NEU3: variants seen among roughly 807,000 people sequenced by gnomAD.
NEU3 encodes sialidase-3.
Under a neutral mutation model 11.4 loss-of-function variants are expected in NEU3, and 10 were observed. That is an observed-to-expected ratio of 0.88 (90% CI 0.54 to 1.49). The LOEUF (loss-of-function observed/expected upper bound fraction) is 1.49. Among genes scored for constraint, NEU3 ranks in the 40% most tolerant of loss-of-function variants. The pLI is 0.00. For synonymous variants in NEU3, 212 were observed against 228.2 expected (o/e 0.93, Z 0.64); for missense variants, 529 against 581.8 (o/e 0.91, Z 0.93).
At chr11:74,984,221 A>G (rs973602714), upstream of NEU3, among the ~76,000 whole-genome samples, 1 of 152,210 alleles carries the variant, frequency 6.6e-6, no homozygotes, top group Non-Finnish European at 1.5e-5. Flanking sequence ...GGCACTGACT[A>G]TCTTTGTTCC....
chr11:75,019,904 C>T (rs760304471), downstream of NEU3, among the ~76,000 whole-genome samples: 5 of 152,166 alleles, frequency 3.3e-5, no homozygotes, highest in East Asian at 1.9e-4. Context: ...CAACTTGCAC[C>T]GTGCACCTGG....
rs1291634445 is a variant in NEU3, at chr11:75,008,286, C to T, written c.*1794C>T. 1 of 152,172 alleles carries T rather than the reference C, an allele frequency of 6.6e-6. No individual in the cohort carries two copies. The highest frequency in any genetic ancestry group is 1.5e-5 in the Non-Finnish European group (1 of 68,046). The allele number at this position is 152,172 out of a possible 1,614,324, so 9.4% of individuals were successfully genotyped here. A position where few individuals can be genotyped will look rare whatever the true frequency, so the allele number is the denominator to read the frequency against. On this transcript the variant is annotated 3_prime_UTR_variant, in exon 3 of 3. Transcript: ENST00000294064. ...TGTTGGGTGAAATAATGCACACTTT[C>T]CTCTACTTCCTTATATGAGGCCCAC... is the stretch of plus-strand genomic sequence containing the variant.
chr11:74,985,317 T>G (rs990202016), upstream of NEU3, among the ~76,000 whole-genome samples: 3 of 152,194 alleles, frequency 2.0e-5, no homozygotes, highest in African/African-American at 7.2e-5. Context: ...CCTCAGGGTA[T>G]CCTTAATCAT....
downstream of NEU3, among the ~76,000 whole-genome samples, chr11:75,014,063 C>CCCTTCCAT (rs1833554401): frequency 6.6e-6 from 1 of 152,116 alleles, no homozygotes; most frequent in Non-Finnish European, 1.5e-5. Context: ...AAAGGTTTCC[C>CCCTTCCAT]CCTTCCATTT....
rs1214683444 is a variant in NEU3, at chr11:75,009,693, T to A, written c.*3201T>A. On this transcript the variant is annotated 3_prime_UTR_variant, in exon 3 of 3. Transcript: ENST00000294064. ...TCAGAATGGATCCTTCCAGCACACA[T>A]GGCCCAACACTGAGAGTGCAGGAAG... 6.6e-6 allele frequency: 1 copy of A among 152,254 alleles called. No individual in the cohort carries two copies. Among genetic ancestry groups the A allele is most frequent in the Non-Finnish European group, 1.5e-5 (1 of 68,116 alleles). The allele number at this position is 152,254 out of a possible 1,614,324, so 9.4% of individuals were successfully genotyped here. A position where few individuals can be genotyped will look rare whatever the true frequency, so the allele number is the denominator to read the frequency against.
At position 74,994,646 on chromosome 11, in the gene NEU3, C is replaced by T. The variant is rs1444271613; in HGVS notation, c.232C>T (p.Arg78Cys). ...THTFLAFAEK[R>C]STRRDEDALH... is the part of the protein sequence containing the mutation. ...CACCTTCCTGGCCTTTGCAGAGAAG[C>T]GTTCTACGAGGAGAGATGAGGATGC... The change falls in exon 2 of 3, where the codon CGT becomes TGT. Residue 78 changes from arginine (R) to cysteine (C), a missense_variant. By Grantham distance (180) the Arg-to-Cys change is radical. Coordinates refer to ENST00000294064, the MANE Select transcript of NEU3 (RefSeq NM_006656.6). The T allele has an allele frequency of 8.1e-6, 13 of 1,613,846 alleles. No individual in the cohort carries two copies. In the African/African-American group the frequency reaches 9.3e-5, roughly 12 times the overall value.
intron 2 of NEU3, chr11:74,994,998 A>T: frequency 1.6e-6 from 1 of 609,284 alleles, no homozygotes; most frequent in Non-Finnish European, 2.9e-6. Context: ...GCTCAAGGTT[A>T]TACAGCTATA....
At chr11:75,019,784 G>A (rs774988656), downstream of NEU3, among the ~76,000 whole-genome samples, 2 of 152,208 alleles carry the variant, frequency 1.3e-5, no homozygotes, top group Non-Finnish European at 2.9e-5. Flanking sequence ...AGGGCAGAAG[G>A]GAAATGTGGG....
intron 2 of NEU3, among the ~76,000 whole-genome samples, chr11:74,997,749 G>T (rs2140241318): frequency 6.7e-6 from 1 of 149,832 alleles, no homozygotes; most frequent in South Asian, 2.1e-4. Context: ...TGTAATCCCA[G>T]CTACTCAGGA....
upstream of NEU3, chr11:74,988,096 G>A (rs937164229): frequency 6.6e-6 from 1 of 151,644 alleles, no homozygotes; most frequent in Non-Finnish European, 1.5e-5. Flanking sequence ...ATTTACAGAA[G>A]CTTTACATTT....
intron 3 of NEU3, among the ~76,000 whole-genome samples, chr11:75,016,326 G>GT (rs2140259991): frequency 6.6e-6 from 1 of 152,214 alleles, no homozygotes; most frequent in African/African-American, 2.4e-5. Context: ...TCTCTCCTTA[G>GT]CTCCCTCCCC....
chr11:74,996,996 G>T (rs1317998038), intron 2 of NEU3, among the ~76,000 whole-genome samples: 2 of 152,226 alleles, frequency 1.3e-5, no homozygotes, highest in Non-Finnish European at 2.9e-5. Flanking sequence ...AGCACTGGCA[G>T]AGTAGATTTA....
At chr11:74,992,938 C>A (rs1277889683) in intron 1 of NEU3, among the ~76,000 whole-genome samples, 1 of 151,866 alleles carries the variant, frequency 6.6e-6, no homozygotes, top group Non-Finnish European at 1.5e-5. Context: ...CAAGCCTGGG[C>A]AACAAGAGCA....
chr11:75,013,463 A>G (rs1389629133), downstream of NEU3, among the ~76,000 whole-genome samples: 1 of 152,262 alleles, frequency 6.6e-6, no homozygotes, highest in African/African-American at 2.4e-5. Flanking sequence ...GGGAACTCCA[A>G]GGTGGACGAC....
upstream of NEU3, among the ~76,000 whole-genome samples, chr11:74,985,205 T>C (rs1454897138): frequency 6.6e-6 from 1 of 152,134 alleles, no homozygotes; most frequent in African/African-American, 2.4e-5. Context: ...CCGGTTTTTA[T>C]AAAGGAAATA....
intron 2 of NEU3, among the ~76,000 whole-genome samples, chr11:74,995,524 A>G (rs1322808643): frequency 6.6e-6 from 1 of 152,202 alleles, no homozygotes; most frequent in East Asian, 1.9e-4. Flanking sequence ...CCAGACCACC[A>G]CACTAAAGTG....
rs755627162 is a variant in NEU3 at position 75,005,557 on chromosome 11, G to A, written c.451G>A (p.Val151Met). ...RGHVTERQQI[V>M]SGRNAARLCF... is the part of the protein sequence containing the mutation. The stretch of plus-strand genomic sequence containing the variant: ...CCATGTCACAGAGCGTCAACAGATT[G>A]TGTCAGGCAGGAATGCTGCCCGCCT... The change falls in exon 3 of 3, where the codon GTG becomes ATG. Residue 151 changes from valine to methionine, a missense_variant. Physicochemically the swap from Val to Met is conservative, Grantham distance 21. Transcript: ENST00000294064. 18 of 1,613,984 alleles carry A rather than the reference G, an allele frequency of 1.1e-5. No homozygotes were observed. In the South Asian group the frequency reaches 1.9e-4, roughly 17 times the overall value.
At chr11:74,981,636 C>T in the NEU3 span, among the ~76,000 whole-genome samples, 1 of 152,112 alleles carries the variant, frequency 6.6e-6, no homozygotes, top group Non-Finnish European at 1.5e-5. Flanking sequence ...TGTCTCTGAC[C>T]CAGGAATCTC....
chr11:75,001,074 C>T (rs888347218), intron 2 of NEU3, among the ~76,000 whole-genome samples: 8 of 151,874 alleles, frequency 5.3e-5, no homozygotes, highest in African/African-American at 1.7e-4. Context: ...ATATTCCTAC[C>T]AACAGTACAC....
Sources: allele counts gnomAD v4.1 joint callset (sites outside exome capture counted in the v4.1 genomes callset), GRCh38; gene constraint gnomAD v4.1.1; transcripts MANE v1.5; gene names NCBI Gene and HGNC (gene_info 2026-07-23, HGNC 2026-07-21).